COL14A1: variants seen among roughly 807,000 people sequenced by gnomAD.
COL14A1 encodes collagen alpha-1(XIV) chain.
COL14A1 carries 136 observed loss-of-function variants against 230.3 expected under a neutral mutation model. The ratio of observed to expected loss-of-function variants is 0.59; its 90% CI spans 0.51 to 0.68. The LOEUF (loss-of-function observed/expected upper bound fraction) is 0.68, where lower values mean the gene tolerates loss of function less well. Ranked by LOEUF, COL14A1 falls within the 30% of genes least tolerant of loss-of-function variation. The probability of loss-of-function intolerance (pLI) is 0.00; values close to 1 mark genes in which losing one functional copy is unlikely to be tolerated. For synonymous variants in COL14A1, 792 were observed against 784.1 expected (o/e 1.01, Z -0.17); for missense variants, 1,976 against 2,215.8 (o/e 0.89, Z 2.17).
At chr8:120,261,073 A>G (rs532197763) in intron 23 of COL14A1, among the ~76,000 whole-genome samples, 1 of 152,318 alleles carries the variant, frequency 6.6e-6, no homozygotes, top group South Asian at 2.1e-4. Context: ...ACAACTGTAT[A>G]TTTCAAAATA....
intron 1 of COL14A1, among the ~76,000 whole-genome samples, chr8:120,129,646 C>T (rs1814462797): frequency 6.6e-6 from 1 of 152,160 alleles, no homozygotes; most frequent in Admixed American, 6.5e-5. Flanking sequence ...AAAAAGGAAG[C>T]CTCTCTGTGC....
At chr8:120,280,293 G>T (rs964379069) in intron 29 of COL14A1, among the ~76,000 whole-genome samples, 194 bp downstream of exon 29, 2 of 152,128 alleles carry the variant, frequency 1.3e-5, no homozygotes, top group African/African-American at 4.8e-5. Context: ...AGTTTAGAAT[G>T]ATAAAAACCT....
Position 120,136,959 on chromosome 8 carries a change from C to CAA in COL14A1, c.-37-10820_-37-10819dup, listed in dbSNP as rs34417716. Among the ~76,000 whole-genome samples the CAA allele has an allele frequency of 6.1e-3, 384 of 62,904 alleles. 18 individuals carry two copies. The highest frequency in any genetic ancestry group is 0.023 in the African/African-American group (340 of 14,556). The allele number at this position is 62,904 out of a possible 152,430, so 41.3% of individuals were successfully genotyped here. A position where few individuals can be genotyped will look rare whatever the true frequency, so the allele number is the denominator to read the frequency against. On this transcript the variant is annotated intron_variant, in intron 1 of 47. Coordinates refer to ENST00000297848, the MANE Select transcript of COL14A1 (RefSeq NM_021110.4). ...CCTGTGTGACAGTGAGAGTCTGTCT[C>CAA]AAAAAAAAAAAAAAAAAAAAAAAAA...
At chr8:120,191,973 C>T (rs1298194071) in intron 5 of COL14A1, among the ~76,000 whole-genome samples, 1 of 151,616 alleles carries the variant, frequency 6.6e-6, no homozygotes, top group African/African-American at 2.4e-5. Flanking sequence ...GAATACAGCA[C>T]ACTGATGGGT....
chr8:120,250,279 T>C (rs1818895930), intron 21 of COL14A1, among the ~76,000 whole-genome samples: 1 of 152,184 alleles, frequency 6.6e-6, no homozygotes, highest in East Asian at 1.9e-4. Flanking sequence ...GAAGGGACAA[T>C]TGAGAATTAT....
rs1554603200 is a variant in COL14A1, at chr8:120,182,726, G to GGT, written c.437-14065_437-14064insGT. ...AACTTAATTTTTTTTATTTTTCTTC[G>GGT]TTTTTTTTTTTTTTTTTTGAGGTGG... On this transcript the variant is annotated intron_variant, in intron 5 of 47. Coordinates refer to ENST00000297848, the MANE Select transcript of COL14A1 (RefSeq NM_021110.4). 1.0e-4 allele frequency among the ~76,000 whole-genome samples: 13 copies of GGT among 129,008 alleles called. 1 individual carries two copies. The highest frequency in any genetic ancestry group is 1.7e-4 in the African/African-American group (6 of 34,946). The allele number at this position is 129,008 out of a possible 152,430, so 84.6% of individuals were successfully genotyped here.
At chr8:120,242,885 T>C (rs1023096124) in intron 19 of COL14A1, among the ~76,000 whole-genome samples, 1 of 152,192 alleles carries the variant, frequency 6.6e-6, no homozygotes, top group African/African-American at 2.4e-5. Flanking sequence ...GATTTATAGG[T>C]TCCTTCCTTC....
intron 2 of COL14A1, among the ~76,000 whole-genome samples, chr8:120,148,144 C>CTTTT (rs59311466): frequency 1.8e-4 from 22 of 122,916 alleles, no homozygotes; most frequent in Non-Finnish European, 3.0e-4. Flanking sequence ...ATAGGTCATT[C>CTTTT]TTTTTTTTTT....
At chr8:120,277,864 C>T (rs888119854) in intron 26 of COL14A1, 3 of 220,606 alleles carry the variant, frequency 1.4e-5, no homozygotes, top group Admixed American at 5.3e-5. Context: ...AGTGACATGC[C>T]GTTTACCCAT....
At chr8:120,162,682 G>T in intron 4 of COL14A1, 113 bp downstream of exon 4, 1 of 884,906 alleles carries the variant, frequency 1.1e-6, no homozygotes, top group Non-Finnish European at 1.6e-6. Context: ...GATTTATAGA[G>T]ATCCTAGAAG....
Position 120,345,522 on chromosome 8 carries a change from TC to T in COL14A1, c.5040del (p.Gly1681GlufsTer14). On this transcript the variant is annotated frameshift_variant, in exon 45 of 48. Transcript: ENST00000297848. LOFTEE classifies it high-confidence loss of function. ...CAAGGACCCCCAGGCACACCAGGCT[TC>T]CCCGGAAATGCAGGCGTGCCAGGGA... The part of the protein sequence containing the change: ...GEQGPPGTPG[F>X]PGNAGVPGTP... The T allele has an allele frequency of 6.4e-7, 1 of 1,572,882 alleles. No homozygotes were observed. Among genetic ancestry groups the T allele is most frequent in the Non-Finnish European group, 8.6e-7 (1 of 1,165,322 alleles).
chr8:120,217,679 G>A (rs1817797548), intron 14 of COL14A1, among the ~76,000 whole-genome samples: 1 of 152,018 alleles, frequency 6.6e-6, no homozygotes, highest in African/African-American at 2.4e-5. Flanking sequence ...AAATAATCCT[G>A]AAGAGTCTGG....
rs150764909 is a variant in COL14A1, at chr8:120,271,968, G to A, written c.3213+1794G>A. On this transcript the variant is annotated intron_variant, in intron 26 of 47. Transcript: ENST00000297848. ...GAAGATGCTCTCATGGTCCAGCAGA[G>A]TGATCATGGTGGCCTGGACTAGGGT... Among the ~76,000 whole-genome samples the A allele has an allele frequency of 2.6e-5, 4 of 151,672 alleles. No individual in the cohort carries two copies. In the East Asian group the frequency reaches 7.8e-4, roughly 30 times the overall value.
intron 8 of COL14A1, among the ~76,000 whole-genome samples, chr8:120,201,780 G>A (rs1285483410): frequency 2.0e-5 from 3 of 152,164 alleles, no homozygotes; most frequent in Non-Finnish European, 2.9e-5. Flanking sequence ...CATTGTGGAG[G>A]TTGTTGGGGT....
intron 39 of COL14A1, 77 bp from the exon 40 acceptor site, chr8:120,315,867 A>G (rs1821206917): frequency 7.5e-6 from 11 of 1,472,308 alleles, no homozygotes; most frequent in Non-Finnish European, 1.0e-5. Flanking sequence ...GGAGGCCTTC[A>G]TCTATTTCAG....
At chr8:120,243,801 T>C (rs778160269) in intron 19 of COL14A1, 78 bp from the exon 20 acceptor site, 21 of 1,480,552 alleles carry the variant, frequency 1.4e-5, no homozygotes, top group Non-Finnish European at 1.7e-5. Context: ...TATTTCAAAA[T>C]GCATAAAGTT....
intron 22 of COL14A1, 102 bp downstream of exon 22, chr8:120,250,868 T>C: frequency 2.2e-6 from 3 of 1,368,316 alleles, no homozygotes; most frequent in Non-Finnish European, 3.0e-6. Context: ...AGTGCGCTGG[T>C]GCGATCTGGA....
intron 47 of COL14A1, chr8:120,370,647 T>G: frequency 6.9e-7 from 1 of 1,454,276 alleles, no homozygotes; most frequent in Admixed American, 2.2e-5. Flanking sequence ...TATGATCGTG[T>G]GCCAAGAATT....
intron 1 of COL14A1, among the ~76,000 whole-genome samples, chr8:120,135,894 TTTC>T (rs1198394339): frequency 6.6e-6 from 1 of 152,104 alleles, no homozygotes; most frequent in Admixed American, 6.5e-5. Context: ...TTAAAATTTT[TTTC>T]TTTTTATTTA....
Sources: gnomAD v4.1 joint callset for allele counts (sites outside exome capture counted in the v4.1 genomes callset) on GRCh38, gnomAD v4.1.1 for gene constraint, MANE v1.5 for transcripts, NCBI Gene and HGNC (gene_info 2026-07-23, HGNC 2026-07-21) for gene names.